Variants in NELL1 observed in about 807,000 individuals in gnomAD.
NELL1 encodes protein kinase C-binding protein NELL1.
A neutral mutation model predicts 107.4 loss-of-function variants in NELL1; 76 were observed. The observed-to-expected ratio is 0.71, with a 90% CI of 0.59 to 0.86. The LOEUF (loss-of-function observed/expected upper bound fraction) is 0.86. Among genes scored for constraint, NELL1 ranks in the 40% least tolerant of loss-of-function variants. NELL1 has a pLI of 0.00. For synonymous variants in NELL1, 353 were observed against 341.2 expected (o/e 1.03, Z -0.38); for missense variants, 1,024 against 1,005.5 (o/e 1.02, Z -0.25).
intron 2 of NELL1, among the ~76,000 whole-genome samples, chr11:20,773,148 T>C (rs1183785777): frequency 2.0e-5 from 3 of 152,172 alleles, no homozygotes; most frequent in Admixed American, 2.0e-4. Context: ...CTCAATGCTC[T>C]CCTGCTGGGC....
chr11:21,133,183 C>A (rs909857675), intron 13 of NELL1, among the ~76,000 whole-genome samples: 2 of 152,102 alleles, frequency 1.3e-5, no homozygotes, highest in African/African-American at 4.8e-5. Flanking sequence ...ATGAAGAGAC[C>A]CAAAGTGAGT....
intron 15 of NELL1, among the ~76,000 whole-genome samples, chr11:21,409,071 C>T (rs1852304031): frequency 6.6e-6 from 1 of 151,968 alleles, no homozygotes; most frequent in Non-Finnish European, 1.5e-5. Flanking sequence ...CCCAGCCATC[C>T]CATTACTGGG....
At chr11:21,381,904 A>ATTTTTTTTTTTTTTTTTTTTTTTT (rs149327802) in intron 15 of NELL1, among the ~76,000 whole-genome samples, 1 of 91,356 alleles carries the variant, frequency 1.1e-5, no homozygotes, top group African/African-American at 4.5e-5. Flanking sequence ...CCTGGAAGGG[A>ATTTTTTTTTTTTTTTTTTTTTTTT]TTTTTTTTTT....
intron 9 of NELL1, among the ~76,000 whole-genome samples, chr11:20,933,551 GA>G (rs1185862735): frequency 6.6e-6 from 1 of 152,196 alleles, no homozygotes; most frequent in Non-Finnish European, 1.5e-5. Context: ...CTCACTGAGG[GA>G]GGAAGGATCT....
intron 12 of NELL1, among the ~76,000 whole-genome samples, chr11:21,016,043 C>G (rs1012662760): frequency 1.3e-5 from 2 of 152,032 alleles, no homozygotes; most frequent in Non-Finnish European, 2.9e-5. Context: ...CTTGTGGGTC[C>G]TGCAATGAGA....
At chr11:20,863,081 C>G (rs1305104167) in intron 4 of NELL1, among the ~76,000 whole-genome samples, 1 of 152,214 alleles carries the variant, frequency 6.6e-6, no homozygotes, top group Admixed American at 6.5e-5. Flanking sequence ...AAACCGCCAT[C>G]GTCATCATGG....
At chr11:21,474,709 T>C (rs543919871) in intron 15 of NELL1, among the ~76,000 whole-genome samples, 2 of 152,060 alleles carry the variant, frequency 1.3e-5, no homozygotes, top group Non-Finnish European at 2.9e-5. Flanking sequence ...AATCTTTTTT[T>C]CCACAATGCC....
chr11:21,319,830 G>C (rs57350925), intron 14 of NELL1, among the ~76,000 whole-genome samples: 3 of 151,982 alleles, frequency 2.0e-5, no homozygotes, highest in African/African-American at 7.3e-5. Flanking sequence ...AATGTGGAAG[G>C]TTCAGCTCAT....
intron 14 of NELL1, among the ~76,000 whole-genome samples, chr11:21,304,705 T>A (rs937890274): frequency 6.6e-6 from 1 of 151,984 alleles, no homozygotes; most frequent in Admixed American, 6.6e-5. Flanking sequence ...CCCTGTTGTA[T>A]TTTTTTAAAG....
chr11:20,919,475 A>C (rs1270963158), intron 7 of NELL1, 141 bp downstream of exon 7: 7 of 555,814 alleles, frequency 1.3e-5, no homozygotes, highest in Middle Eastern at 6.1e-4. Flanking sequence ...TCTTACTCAA[A>C]ATAGGACTAC....
At chr11:21,337,924 A>T (rs1945412) in intron 14 of NELL1, among the ~76,000 whole-genome samples, 1 of 137,808 alleles carries the variant, frequency 7.3e-6, no homozygotes. Context: ...TTTCTTTTGC[A>T]TTTAGCCACT....
chr11:20,856,383 T>C (rs1848882779), intron 4 of NELL1, among the ~76,000 whole-genome samples: 2 of 152,232 alleles, frequency 1.3e-5, no homozygotes, highest in South Asian at 4.1e-4. Flanking sequence ...TAACTCTCCC[T>C]CAGGAATGCC....
At chr11:21,117,653 A>C (rs1357484694) in intron 13 of NELL1, among the ~76,000 whole-genome samples, 2 of 152,024 alleles carry the variant, frequency 1.3e-5, no homozygotes, top group East Asian at 1.9e-4. Flanking sequence ...TAAGTGACTT[A>C]AGATAAATTT....
chr11:21,064,051 T>C (rs1853809115), intron 12 of NELL1, among the ~76,000 whole-genome samples: 1 of 152,022 alleles, frequency 6.6e-6, no homozygotes, highest in African/African-American at 2.4e-5. Context: ...TGGAGAAGAA[T>C]GTTTTAGTCA....
At chr11:21,411,525 A>G (rs1483535583) in intron 15 of NELL1, among the ~76,000 whole-genome samples, 1 of 152,060 alleles carries the variant, frequency 6.6e-6, no homozygotes, top group African/African-American at 2.4e-5. Flanking sequence ...TGTTTGTGTG[A>G]AAAAGTTATT....
chr11:21,213,217 GAATAAAATA>G (rs916871501), intron 13 of NELL1, among the ~76,000 whole-genome samples: 5 of 151,674 alleles, frequency 3.3e-5, no homozygotes, highest in African/African-American at 1.2e-4. Flanking sequence ...CTAATGGAAG[GAATAAAATA>G]TTATATAAGT....
At chr11:20,694,855 T>G (rs1191229759) in intron 2 of NELL1, among the ~76,000 whole-genome samples, 1 of 151,966 alleles carries the variant, frequency 6.6e-6, no homozygotes, top group Non-Finnish European at 1.5e-5. Context: ...TTATAGGAGT[T>G]GTGTTGAATC....
chr11:20,681,375 C>A (rs1854186794), intron 2 of NELL1, among the ~76,000 whole-genome samples: 1 of 152,104 alleles, frequency 6.6e-6, no homozygotes, highest in South Asian at 2.1e-4. Flanking sequence ...TGCAGATAAG[C>A]TTTCTGGCAT....
chr11:21,409,006 T>G (rs898080755), intron 15 of NELL1, among the ~76,000 whole-genome samples: 2 of 152,014 alleles, frequency 1.3e-5, no homozygotes, highest in Non-Finnish European at 2.9e-5. Context: ...GTTCAACCAT[T>G]GTGGAAGTCA....
Sources: allele counts gnomAD v4.1 joint callset (sites outside exome capture counted in the v4.1 genomes callset), GRCh38; gene constraint gnomAD v4.1.1; transcripts MANE v1.5; gene names NCBI Gene and HGNC (gene_info 2026-07-23, HGNC 2026-07-21).